The following KANSL1 variants were observed in gnomAD, a reference collection of about 807,000 sequenced individuals.
The protein encoded by KANSL1 is KAT8 regulatory NSL complex subunit 1.
Under a neutral mutation model 103.6 loss-of-function variants are expected in KANSL1, and 22 were observed. The ratio of observed to expected loss-of-function variants is 0.21; its 90% CI spans 0.15 to 0.30. The LOEUF (loss-of-function observed/expected upper bound fraction) is 0.30. Among genes scored for constraint, KANSL1 ranks in the 10% least tolerant of loss-of-function variants. The pLI is 1.00. For synonymous variants in KANSL1, 600 were observed against 527.6 expected (o/e 1.14, Z -1.88); for missense variants, 1,337 against 1,399.8 (o/e 0.96, Z 0.72).
intron 8 of KANSL1, chr17:46,039,448 C>T: frequency 1.6e-6 from 1 of 606,156 alleles, no homozygotes; most frequent in Non-Finnish European, 2.8e-6. Context: ...CGTAGATGAA[C>T]TCAATGCCAT....
chr17:46,067,464 G>A (rs946794475), intron 5 of KANSL1, 85 bp downstream of exon 5: 1 of 813,782 alleles, frequency 1.2e-6, no homozygotes. Context: ...TTAAACCAGG[G>A]TCAGTCCTGG....
intron 4 of KANSL1, among the ~76,000 whole-genome samples, chr17:46,078,731 T>C (rs1166463273): frequency 2.6e-5 from 4 of 152,138 alleles, no homozygotes; most frequent in African/African-American, 4.8e-5. Flanking sequence ...TCTTTGCTCA[T>C]TACTTTTTCT....
chr17:46,152,927 C>T (rs911663270), intron 2 of KANSL1: 1 of 152,262 alleles, frequency 6.6e-6, no homozygotes, highest in Non-Finnish European at 1.5e-5. Flanking sequence ...CTCATTCCAT[C>T]TATCCCTTTC....
At chr17:46,185,678 TAC>T (rs747914948) in intron 1 of KANSL1, among the ~76,000 whole-genome samples, 1 of 137,844 alleles carries the variant, frequency 7.3e-6, no homozygotes, top group Non-Finnish European at 1.5e-5. Context: ...CACATATATA[TAC>T]ACACACATAT....
intron 3 of KANSL1, among the ~76,000 whole-genome samples, chr17:46,089,611 C>A (rs952344167): frequency 4.9e-5 from 7 of 141,886 alleles, no homozygotes; most frequent in African/African-American, 7.7e-5. Context: ...GCTGGGAAAT[C>A]TTGGTGCAGC....
At chr17:46,097,394 A>G (rs2042131786) in intron 2 of KANSL1, among the ~76,000 whole-genome samples, 1 of 152,244 alleles carries the variant, frequency 6.6e-6, no homozygotes, top group Non-Finnish European at 1.5e-5. Context: ...GCTGCACAAA[A>G]ATAAACAAAT....
At chr17:46,145,409 T>C (rs2044646832) in intron 2 of KANSL1, among the ~76,000 whole-genome samples, 1 of 152,252 alleles carries the variant, frequency 6.6e-6, no homozygotes, top group African/African-American at 2.4e-5. Context: ...TTTGATAATT[T>C]AATAGCTGGA....
chr17:46,043,640 A>T (rs2077403574), intron 7 of KANSL1: 1 of 152,228 alleles, frequency 6.6e-6, no homozygotes. Flanking sequence ...TTGAATAGGC[A>T]CAAGAAAGGA....
intron 3 of KANSL1, among the ~76,000 whole-genome samples, chr17:46,092,668 T>C (rs1455345103): frequency 7.0e-6 from 1 of 142,738 alleles, no homozygotes; most frequent in Non-Finnish European, 1.5e-5. Flanking sequence ...TGTACCATAA[T>C]GTTGGTAGCG....
chr17:46,156,208 A>G (rs1166842008), intron 2 of KANSL1, among the ~76,000 whole-genome samples: 1 of 152,198 alleles, frequency 6.6e-6, no homozygotes, highest in Non-Finnish European at 1.5e-5. Flanking sequence ...TTAGCCGGGC[A>G]TGGTAGTTCA....
intron 2 of KANSL1, among the ~76,000 whole-genome samples, chr17:46,107,209 G>T (rs2042604627): frequency 6.6e-6 from 1 of 152,234 alleles, no homozygotes. Context: ...CAGCAAGGGG[G>T]ATGGATCAGG....
intron 2 of KANSL1, among the ~76,000 whole-genome samples, chr17:46,139,219 T>C (rs999597648): frequency 1.8e-4 from 28 of 151,738 alleles, no homozygotes; most frequent in African/African-American, 6.3e-4. Flanking sequence ...AGTGAACTCA[T>C]AGTATTGACA....
intron 2 of KANSL1, among the ~76,000 whole-genome samples, chr17:46,117,750 G>A (rs937874329): frequency 2.0e-5 from 3 of 151,880 alleles, no homozygotes; most frequent in Non-Finnish European, 4.4e-5. Context: ...AAAAGCTAGG[G>A]AAAACAATTT....
Position 46,034,415 on chromosome 17 carries a change from A to G in KANSL1, c.2542-130T>C, listed in dbSNP as rs2077092330. On this transcript the variant is annotated intron_variant, in intron 10 of 14. Transcript: ENST00000432791. ...CTTGGGTTGAAGCTGAGTAATGACC[A>G]TAGCAGCTGCTCCCACCTAGGAGTC... The G allele has an allele frequency of 5.4e-6, 5 of 922,032 alleles. No homozygotes were observed. In the South Asian group the frequency reaches 5.9e-5, roughly 11 times the overall value. The allele number at this position is 922,032 out of a possible 1,614,324, so 57.1% of individuals were successfully genotyped here.
chr17:46,212,500 T>C (rs903493957), intron 1 of KANSL1, among the ~76,000 whole-genome samples: 3 of 152,230 alleles, frequency 2.0e-5, no homozygotes, highest in Non-Finnish European at 4.4e-5. Context: ...ATTACGGGCA[T>C]GAGCCACCGC....
chr17:46,136,356 T>C (rs2044142911), intron 2 of KANSL1, among the ~76,000 whole-genome samples: 1 of 152,242 alleles, frequency 6.6e-6, no homozygotes, highest in African/African-American at 2.4e-5. Flanking sequence ...GGATTAGGTT[T>C]CATTTTACAT....
rs1336983572 is a variant in KANSL1, at chr17:46,130,094, G to C, written c.1290-35393C>G. On this transcript the variant is annotated intron_variant, in intron 2 of 14. Transcript: ENST00000432791. ...CCAGATGCTCAGGAGGCTGAGACGG[G>C]AGAATCACTTGTGCCCAGAAAGGTA... is the stretch of plus-strand genomic sequence containing the variant. Among the ~76,000 whole-genome samples the C allele has an allele frequency of 4.6e-5, 7 of 150,962 alleles. No individual in the cohort carries two copies. The East Asian group carries it at 1.4e-3, about 30-fold the overall frequency.
chr17:46,178,402 T>C (rs1412806181), intron 1 of KANSL1, among the ~76,000 whole-genome samples: 1 of 152,254 alleles, frequency 6.6e-6, no homozygotes, highest in Non-Finnish European at 1.5e-5. Flanking sequence ...TAATTTCTAA[T>C]TTACCGGTGG....
chr17:46,183,689 G>A (rs1446711354), intron 1 of KANSL1, among the ~76,000 whole-genome samples: 4 of 150,628 alleles, frequency 2.7e-5, no homozygotes, highest in African/African-American at 4.9e-5. Flanking sequence ...GGTGGCTCAC[G>A]CCTGTAATTC....
Sources: allele counts gnomAD v4.1 joint callset (sites outside exome capture counted in the v4.1 genomes callset), GRCh38; gene constraint gnomAD v4.1.1; transcripts MANE v1.5; gene names NCBI Gene and HGNC (gene_info 2026-07-23, HGNC 2026-07-21).